Variants in CACNA2D1 observed in about 807,000 individuals in gnomAD.
CACNA2D1 encodes voltage-dependent calcium channel subunit alpha-2/delta-1.
A neutral mutation model predicts 171.5 loss-of-function variants in CACNA2D1; 53 were observed. That is an observed-to-expected ratio of 0.31 (90% CI 0.25 to 0.39). The LOEUF is 0.39. Ranked by LOEUF, CACNA2D1 falls within the 10% of genes least tolerant of loss-of-function variation. CACNA2D1 has a pLI of 1.00. For synonymous variants in CACNA2D1, 442 were observed against 443.1 expected (o/e 1.00, Z 0.03); for missense variants, 903 against 1,299.8 (o/e 0.69, Z 4.69).
At chr7:82,312,518 T>C (rs1814602105) in intron 3 of CACNA2D1, among the ~76,000 whole-genome samples, 1 of 149,814 alleles carries the variant, frequency 6.7e-6, no homozygotes. Flanking sequence ...ACTTTTTTTT[T>C]TTTTTTTTTT....
intron 9 of CACNA2D1, among the ~76,000 whole-genome samples, chr7:82,061,333 G>T (rs1227586612): frequency 6.6e-6 from 1 of 151,948 alleles, no homozygotes; most frequent in Non-Finnish European, 1.5e-5. Flanking sequence ...GTGTTCCAAG[G>T]CTATGGTCCC....
chr7:82,235,142 TC>T (rs1347416802), intron 3 of CACNA2D1, among the ~76,000 whole-genome samples: 1 of 152,086 alleles, frequency 6.6e-6, no homozygotes, highest in African/African-American at 2.4e-5. Flanking sequence ...TAAATTATGT[TC>T]TTTTTTTTTA....
intron 38 of CACNA2D1, among the ~76,000 whole-genome samples, chr7:81,957,482 G>T (rs1341026708): frequency 6.6e-6 from 1 of 152,008 alleles, no homozygotes; most frequent in Non-Finnish European, 1.5e-5. Flanking sequence ...ATGAAAACTT[G>T]CAGTAAAATG....
At chr7:81,951,969 G>GTTTTTTTTTTTTTTTTTTTTTT (rs774805421) in intron 38 of CACNA2D1, among the ~76,000 whole-genome samples, 27 of 71,892 alleles carry the variant, frequency 3.8e-4, no homozygotes, top group African/African-American at 6.1e-4. Flanking sequence ...TGTACAAAGT[G>GTTTTTTTTTTTTTTTTTTTTTT]TTTTTTTTTT....
chr7:82,013,513 G>A lies in CACNA2D1; in HGVS notation c.1223-3C>T. 1.0e-6 allele frequency: 1 copy of A among 992,156 alleles called. No individual in the cohort carries two copies. Among genetic ancestry groups the A allele is most frequent in the Non-Finnish European group, 1.4e-6 (1 of 703,714 alleles). The allele number at this position is 992,156 out of a possible 1,614,324, so 61.5% of individuals were successfully genotyped here. ...GGAAGGAATTTCATAATAATAACCT[G>A]AAATATACATATATGTTTTTATACA... On this transcript the variant is annotated splice_polypyrimidine_tract_variant and splice_region_variant and intron_variant, in intron 13 of 38. Transcript: ENST00000356860.
intron 5 of CACNA2D1, among the ~76,000 whole-genome samples, chr7:82,119,419 G>T (rs1789458631): frequency 6.6e-6 from 1 of 152,064 alleles, no homozygotes; most frequent in Non-Finnish European, 1.5e-5. Context: ...AGCTAATGTT[G>T]GATGAGGAGG....
rs2131305053 is a variant in CACNA2D1, at chr7:82,050,606, G to A, written c.879+9822C>T. On this transcript the variant is annotated intron_variant, in intron 10 of 38. Coordinates refer to ENST00000356860, the MANE Select transcript of CACNA2D1 (RefSeq NM_000722.4). The stretch of plus-strand genomic sequence containing the variant: ...CTCTGCATTGAAAATCTCTTCGGGA[G>A]AAGGAGAAATCTCTTTACTATCCTG... 5.7e-6 allele frequency: 4 copies of A among 702,846 alleles called. No individual in the cohort carries two copies. In the East Asian group the frequency reaches 1.1e-4, roughly 19 times the overall value. The allele number at this position is 702,846 out of a possible 1,614,324, so 43.5% of individuals were successfully genotyped here. A position where few individuals can be genotyped will look rare whatever the true frequency, so the allele number is the denominator to read the frequency against.
intron 6 of CACNA2D1, among the ~76,000 whole-genome samples, chr7:82,085,590 C>G (rs1337342492): frequency 1.3e-5 from 2 of 150,568 alleles, no homozygotes; most frequent in Non-Finnish European, 3.0e-5. Context: ...CAAAAATGTA[C>G]ATATTTTAGT....
intron 26 of CACNA2D1, chr7:81,971,182 A>T (rs37069): frequency 0.31 from 60,596 of 194,660 alleles, 10,042 homozygotes; most frequent in African/African-American, 0.43. Context: ...CTTCACCTGT[A>T]TCTTGAACTT....
chr7:82,077,691 G>A (rs1467772682), intron 7 of CACNA2D1, among the ~76,000 whole-genome samples: 1 of 150,036 alleles, frequency 6.7e-6, no homozygotes, highest in African/African-American at 2.5e-5. Flanking sequence ...TCAATTTAAA[G>A]TTTATATAAT....
chr7:82,363,592 A>G (rs946539844), intron 1 of CACNA2D1, among the ~76,000 whole-genome samples: 2 of 152,184 alleles, frequency 1.3e-5, no homozygotes, highest in African/African-American at 4.8e-5. Flanking sequence ...AGATTTAACT[A>G]GAATGAAAGG....
Position 81,964,315 on chromosome 7 carries a change from G to A in CACNA2D1, c.2619C>T (p.His873=). ...AAGCATAAACTGATATATTAACCAG[G>A]TGTCTCATCAAGCTGGGATCAATCT... ...FGEIDPSLMR[H]LVNISVYAFN... is the part of the protein sequence containing the mutation. The change falls in exon 33 of 39, where the codon CAC becomes CAT. Residue 873 remains histidine, a synonymous_variant. Coordinates refer to ENST00000356860, the MANE Select transcript of CACNA2D1 (RefSeq NM_000722.4). 1 of 1,611,884 alleles carries A rather than the reference G, an allele frequency of 6.2e-7. No homozygotes were observed. Among genetic ancestry groups the A allele is most frequent in the Non-Finnish European group, 8.5e-7 (1 of 1,178,578 alleles).
At chr7:82,091,041 G>T (rs185317499) in intron 6 of CACNA2D1, among the ~76,000 whole-genome samples, 196 of 152,208 alleles carry the variant, frequency 1.3e-3, no homozygotes, top group African/African-American at 4.2e-3. Flanking sequence ...AAAGAAAGAT[G>T]TTAATAAGAA....
intron 3 of CACNA2D1, among the ~76,000 whole-genome samples, chr7:82,284,191 A>C (rs531573268): frequency 9.4e-4 from 142 of 151,546 alleles, no homozygotes; most frequent in South Asian, 7.9e-3. Context: ...CCTTCTCCAA[A>C]AAAAAAAAGA....
chr7:81,961,469 T>C (rs1794108012), intron 36 of CACNA2D1, among the ~76,000 whole-genome samples: 2 of 151,820 alleles, frequency 1.3e-5, no homozygotes, highest in Non-Finnish European at 2.9e-5. Flanking sequence ...TAAATCTGTT[T>C]AGTTACTATA....
intron 4 of CACNA2D1, among the ~76,000 whole-genome samples, chr7:82,165,757 T>C (rs1056458276): frequency 3.3e-5 from 5 of 152,004 alleles, no homozygotes; most frequent in Admixed American, 2.6e-4. Context: ...AACAAAAAAT[T>C]GTTTCCCTAC....
At chr7:82,427,856 T>C (rs1349874493) in intron 1 of CACNA2D1, among the ~76,000 whole-genome samples, 1 of 152,174 alleles carries the variant, frequency 6.6e-6, no homozygotes, top group Non-Finnish European at 1.5e-5. Flanking sequence ...CAAATGAATA[T>C]CTGTCCTCTG....
chr7:82,038,832 G>T (rs528635538), intron 10 of CACNA2D1, among the ~76,000 whole-genome samples: 1 of 152,146 alleles, frequency 6.6e-6, no homozygotes, highest in African/African-American at 2.4e-5. Flanking sequence ...TGGAGGCAAG[G>T]TGATGGAGCC....
In CACNA2D1 at chr7:81,959,837, A is replaced by ATAAATATGGTATC. The variant is rs1263373097; in HGVS notation, c.2967-21_2967-9dup. ...TTTTCTCCATGAAAGATTCTGCAAAATAAATATGGTATCATAGAAAATGAG... is the reference window on the plus strand; with the variant it reads ...TTTTCTCCATGAAAGATTCTGCAAAATAAATATGGTATCTAAATATGGTATCATAGAAAATGAG... On this transcript the variant is annotated splice_polypyrimidine_tract_variant and intron_variant, in intron 36 of 38. Coordinates refer to ENST00000356860, the MANE Select transcript of CACNA2D1 (RefSeq NM_000722.4). The ATAAATATGGTATC allele has an allele frequency of 1.2e-6, 2 of 1,610,720 alleles. No homozygotes were observed. The highest frequency in any genetic ancestry group is 4.5e-5 in the East Asian group (2 of 44,732).
Sources: allele counts gnomAD v4.1 joint callset (sites outside exome capture counted in the v4.1 genomes callset), GRCh38; gene constraint gnomAD v4.1.1; transcripts MANE v1.5; gene names NCBI Gene and HGNC (gene_info 2026-07-23, HGNC 2026-07-21).